SLC9D1: variants seen among roughly 807,000 people sequenced by gnomAD.
SLC9D1 encodes putative LAG1-interacting protein.
At chr13:113,508,728 G>T in the SLC9D1 span, among the ~76,000 whole-genome samples, 7 of 152,340 alleles carry the variant, frequency 4.6e-5, no homozygotes, top group Middle Eastern at 3.4e-3. Context: ...TTTGGGGTCC[G>T]GAAGCTCCAT....
At chr13:113,517,043 C>T in the SLC9D1 span, among the ~76,000 whole-genome samples, 3 of 152,196 alleles carry the variant, frequency 2.0e-5, no homozygotes, top group Non-Finnish European at 4.4e-5. Flanking sequence ...GACCAGGTGC[C>T]GTGGGCTGGC....
the SLC9D1 span, chr13:113,503,534 GT>G: frequency 2.5e-6 from 4 of 1,613,814 alleles, no homozygotes; most frequent in Non-Finnish European, 3.4e-6. Flanking sequence ...AATTTGGGGT[GT>G]TTTTTACTCT....
At chr13:113,538,009 G>C in the SLC9D1 span, among the ~76,000 whole-genome samples, 2 of 138,434 alleles carry the variant, frequency 1.4e-5, no homozygotes, top group African/African-American at 3.0e-5. Context: ...GTACATGTGT[G>C]TGCTTTGTGG....
At chr13:113,493,940 C>A in the SLC9D1 span, among the ~76,000 whole-genome samples, 1 of 152,202 alleles carries the variant, frequency 6.6e-6, no homozygotes, top group Non-Finnish European at 1.5e-5. Flanking sequence ...GCTGCCATTT[C>A]ATGGTTTGGG....
At chr13:113,540,912 G>A in the SLC9D1 span, among the ~76,000 whole-genome samples, 56 of 152,262 alleles carry the variant, frequency 3.7e-4, no homozygotes, top group African/African-American at 1.3e-3. Context: ...GAGGGGGTCC[G>A]GTTTCAGTTT....
chr13:113,492,543 T>C, the SLC9D1 span, among the ~76,000 whole-genome samples: 4 of 152,344 alleles, frequency 2.6e-5, no homozygotes, highest in South Asian at 4.1e-4. Flanking sequence ...CTCAATAAAA[T>C]TGAGATTTTT....
At chr13:113,540,354 A>G in the SLC9D1 span, among the ~76,000 whole-genome samples, 1 of 152,192 alleles carries the variant, frequency 6.6e-6, no homozygotes, top group African/African-American at 2.4e-5. Flanking sequence ...TGTCCTACCA[A>G]TGGTGTCTAA....
chr13:113,502,202 G>A, the SLC9D1 span, among the ~76,000 whole-genome samples: 50,965 of 152,074 alleles, frequency 0.34, 9,029 homozygotes, highest in South Asian at 0.48. Flanking sequence ...TGCATTAACC[G>A]TTTTTGTTGT....
chr13:113,531,104 C>T, the SLC9D1 span, among the ~76,000 whole-genome samples: 1 of 152,224 alleles, frequency 6.6e-6, no homozygotes, highest in Non-Finnish European at 1.5e-5. Context: ...CCACTGCCAC[C>T]ATCAGTGGAC....
the SLC9D1 span, among the ~76,000 whole-genome samples, chr13:113,532,444 GC>G: frequency 0.022 from 3,349 of 152,220 alleles, 118 homozygotes; most frequent in African/African-American, 0.076. Context: ...CAGTGGAAGG[GC>G]ATGGCAGGGC....
chr13:113,514,862 G>A, the SLC9D1 span, among the ~76,000 whole-genome samples: 3 of 152,290 alleles, frequency 2.0e-5, no homozygotes, highest in African/African-American at 2.4e-5. Context: ...GATGACAGGC[G>A]TGTGCCACCA....
chr13:113,530,523 A>G, the SLC9D1 span: 2 of 152,168 alleles, frequency 1.3e-5, no homozygotes, highest in African/African-American at 4.8e-5. Flanking sequence ...TTTCTACTAT[A>G]TATACTTTTC....
the SLC9D1 span, among the ~76,000 whole-genome samples, chr13:113,540,000 TGAG>T: frequency 6.6e-6 from 1 of 152,204 alleles, no homozygotes. The surrounding 1 kb of genome is among the most constrained non-coding windows in gnomAD (Gnocchi z 4.8). Flanking sequence ...GTTAATTCCC[TGAG>T]GAGAACGGCC....
chr13:113,549,630 C>T, the SLC9D1 span: 3 of 1,509,764 alleles, frequency 2.0e-6, no homozygotes, highest in Admixed American at 1.7e-5. Context: ...AAGCTCGCAC[C>T]TTGGCAACAG....
At chr13:113,543,882 T>G in the SLC9D1 span, among the ~76,000 whole-genome samples, 1 of 152,168 alleles carries the variant, frequency 6.6e-6, no homozygotes, top group African/African-American at 2.4e-5. Context: ...TGCTCTAGTT[T>G]TTGGTACTGA....
chr13:113,495,558 T>G, the SLC9D1 span: 2 of 1,508,462 alleles, frequency 1.3e-6, no homozygotes, highest in Non-Finnish European at 1.8e-6. Context: ...TGGATTGCTG[T>G]GCCCTGCCCT....
chr13:113,516,130 G>C, the SLC9D1 span, among the ~76,000 whole-genome samples: 1 of 152,182 alleles, frequency 6.6e-6, no homozygotes, highest in Non-Finnish European at 1.5e-5. Flanking sequence ...GGATGACTGG[G>C]GTTTCCCTTA....
the SLC9D1 span, among the ~76,000 whole-genome samples, chr13:113,536,816 G>A: frequency 6.6e-6 from 1 of 152,212 alleles, no homozygotes; most frequent in Non-Finnish European, 1.5e-5. Flanking sequence ...CTGCTGATGA[G>A]CCTAGTAGAG....
the SLC9D1 span, chr13:113,501,922 A>G: frequency 4.7e-6 from 7 of 1,493,846 alleles, no homozygotes; most frequent in Non-Finnish European, 6.5e-6. Flanking sequence ...GTTTAACAGA[A>G]TATAAAAAGA....
Sources: gnomAD v4.1 joint callset for allele counts (sites outside exome capture counted in the v4.1 genomes callset) on GRCh38, gnomAD v4.1.1 for gene constraint, Gnocchi (gnomAD v3.1) non-coding constraint, MANE v1.5 for transcripts, NCBI Gene and HGNC (gene_info 2026-07-23, HGNC 2026-07-21) for gene names.